Variants in NUP62CL observed in about 807,000 individuals in gnomAD.
The protein encoded by NUP62CL is nucleoporin-62 C-terminal-like protein.
In NUP62CL, 13 loss-of-function variants were observed where a neutral mutation model predicts 15.3. The ratio of observed to expected loss-of-function variants is 0.85; its 90% CI spans 0.55 to 1.35. NUP62CL has a LOEUF of 1.35. Ranked by LOEUF, NUP62CL falls within the 40% of genes most tolerant of loss-of-function variation. The pLI is 0.00. For missense variants in NUP62CL, 123 were observed against 130.6 expected (o/e 0.94, Z 0.28); for synonymous variants, 54 against 49.2 (o/e 1.10, Z -0.41).
chrX:107,134,515 G>A lies in NUP62CL; in HGVS notation c.*43-10183C>T, dbSNP rs898027439. Among the ~76,000 whole-genome samples, 12 of 111,517 alleles carry A rather than the reference G, an allele frequency of 1.1e-4. No individual in the cohort carries two copies. In the East Asian group the frequency reaches 1.1e-3, roughly 11 times the overall value. ...GTCGCCCAGGCTGTAGTGCAGTGGC[G>A]CAGTCTGGGCTCACTGCAACCTCCG... On this transcript the variant is annotated intron_variant, in intron 8 of 8. Transcript: ENST00000372466.
chrX:107,188,367 C>G (rs1927120760), intron 2 of NUP62CL, among the ~76,000 whole-genome samples: 1 of 110,890 alleles, frequency 9.0e-6, no homozygotes. Context: ...ATGACCATAT[C>G]AATTGATGCA....
intron 1 of NUP62CL, among the ~76,000 whole-genome samples, chrX:107,204,544 G>A (rs1223752854): frequency 9.1e-6 from 1 of 110,068 alleles, no homozygotes; most frequent in East Asian, 2.8e-4. Context: ...TGTTCCCCAA[G>A]AAGAAAACTA....
intron 2 of NUP62CL, among the ~76,000 whole-genome samples, chrX:107,179,176 T>C (rs956841441): frequency 9.0e-6 from 1 of 111,347 alleles, no homozygotes; most frequent in East Asian, 2.8e-4. Flanking sequence ...ATCTGAGAGG[T>C]TGAATTTTTA....
At chrX:107,186,150 T>A (rs1007769861) in intron 2 of NUP62CL, among the ~76,000 whole-genome samples, 5 of 111,628 alleles carry the variant, frequency 4.5e-5, no homozygotes, top group Non-Finnish European at 9.4e-5. Flanking sequence ...TCTTACCAAC[T>A]GATAGAACTT....
intron 8 of NUP62CL, chrX:107,132,151 T>G: frequency 4.3e-6 from 5 of 1,166,366 alleles, no homozygotes; most frequent in Non-Finnish European, 5.9e-6. Context: ...GAACGAGAGT[T>G]CAAACCTGAG....
At position 107,175,745 on chromosome X, in the gene NUP62CL, A is replaced by G. The variant is rs1173665583; in HGVS notation, c.-47-552T>C. 2.4e-4 allele frequency among the ~76,000 whole-genome samples: 27 copies of G among 111,456 alleles called. 1 individual carries two copies. In the East Asian group the frequency reaches 7.4e-3, roughly 30 times the overall value. ...AGCTACTCTCTAGGGAGGGGTAGCCAAAACTTTACTCCCTCTGACCCCAGC... is the reference window on the plus strand; with the variant it reads ...AGCTACTCTCTAGGGAGGGGTAGCCGAAACTTTACTCCCTCTGACCCCAGC... On this transcript the variant is annotated intron_variant, in intron 2 of 8. Coordinates refer to ENST00000372466, the MANE Select transcript of NUP62CL (RefSeq NM_017681.3).
At chrX:107,168,241 C>T (rs1292370050) in intron 3 of NUP62CL, among the ~76,000 whole-genome samples, 1 of 111,772 alleles carries the variant, frequency 8.9e-6, no homozygotes, top group Non-Finnish European at 1.9e-5. Context: ...AAAGTGTCAG[C>T]ATGCTCTAAA....
chrX:107,166,433 C>T (rs1417474696), intron 4 of NUP62CL, among the ~76,000 whole-genome samples: 1 of 111,944 alleles, frequency 8.9e-6, no homozygotes, highest in Non-Finnish European at 1.9e-5. Context: ...AGAATGCAGA[C>T]AATCTGGATC....
chrX:107,134,503 T>C (rs1173832353), intron 8 of NUP62CL, among the ~76,000 whole-genome samples: 2 of 111,965 alleles, frequency 1.8e-5, no homozygotes, highest in Admixed American at 9.4e-5. Context: ...GCCCAGGCTG[T>C]AGTGCAGTGG....
chrX:107,172,217 G>A (rs1358688290), intron 3 of NUP62CL, among the ~76,000 whole-genome samples: 2 of 107,945 alleles, frequency 1.9e-5, no homozygotes, highest in African/African-American at 6.8e-5. Context: ...GCAGTCCCAG[G>A]TACTCAGAAG....
chrX:107,189,772 G>A (rs914041426), intron 2 of NUP62CL, among the ~76,000 whole-genome samples: 97 of 102,502 alleles, frequency 9.5e-4, no homozygotes, highest in African/African-American at 3.3e-3. Flanking sequence ...GAGAGAGAGC[G>A]AGACCCTGTC....
At chrX:107,147,955 T>C (rs762534228) in intron 7 of NUP62CL, 146 bp from the exon 8 acceptor site, 15 of 450,597 alleles carry the variant, frequency 3.3e-5, no homozygotes, top group Non-Finnish European at 4.3e-5. Context: ...ATTTTTTTGT[T>C]GCTAATTCAT....
At chrX:107,164,201 A>G (rs1926454419) in intron 4 of NUP62CL, among the ~76,000 whole-genome samples, 1 of 112,023 alleles carries the variant, frequency 8.9e-6, no homozygotes. Flanking sequence ...AGAAAAAACA[A>G]CAAGAAAATC....
chrX:107,202,681 TAAAAAAAAA>T (rs765528970), intron 1 of NUP62CL: 6 of 73,014 alleles, frequency 8.2e-5, no homozygotes, highest in South Asian at 7.1e-4. Context: ...TTGACTGTCT[TAAAAAAAAA>T]AAAAAAAAAA....
At chrX:107,147,529 C>G (rs1202446900) in intron 8 of NUP62CL, among the ~76,000 whole-genome samples, 1 of 111,289 alleles carries the variant, frequency 9.0e-6, no homozygotes, top group Non-Finnish European at 1.9e-5. Flanking sequence ...CCTATCCATC[C>G]TCTATTTTCA....
At chrX:107,181,480 T>C (rs1374470346) in intron 2 of NUP62CL, among the ~76,000 whole-genome samples, 1 of 111,605 alleles carries the variant, frequency 9.0e-6, no homozygotes, top group Non-Finnish European at 1.9e-5. Context: ...TTACATAATA[T>C]TTTAAATTTA....
intron 8 of NUP62CL, among the ~76,000 whole-genome samples, chrX:107,139,039 A>G (rs1011045664): frequency 1.8e-5 from 2 of 111,996 alleles, no homozygotes; most frequent in African/African-American, 6.5e-5. Flanking sequence ...TGAGGGGGAA[A>G]AAAGCCAATC....
At chrX:107,161,142 G>T (rs1926357273) in intron 4 of NUP62CL, among the ~76,000 whole-genome samples, 1 of 104,046 alleles carries the variant, frequency 9.6e-6, no homozygotes, top group Non-Finnish European at 2.0e-5. Flanking sequence ...ACAGGTGCTG[G>T]AGAGGATGTG....
chrX:107,130,787 TA>T (rs1925496204), intron 8 of NUP62CL, among the ~76,000 whole-genome samples: 1 of 111,083 alleles, frequency 9.0e-6, no homozygotes, highest in Non-Finnish European at 1.9e-5. Context: ...CAAAGGAAAA[TA>T]AAACTTGTAA....
Sources: allele counts gnomAD v4.1 joint callset (sites outside exome capture counted in the v4.1 genomes callset), GRCh38; gene constraint gnomAD v4.1.1; transcripts MANE v1.5; gene names NCBI Gene and HGNC (gene_info 2026-07-23, HGNC 2026-07-21).